The following AOX1 variants were observed in gnomAD, a reference collection of about 807,000 sequenced individuals.
AOX1 encodes the protein aldehyde oxidase 1, also known as aldehyde oxidase.
A neutral mutation model predicts 169.5 loss-of-function variants in AOX1; 153 were observed. The ratio of observed to expected loss-of-function variants is 0.90; its 90% CI spans 0.79 to 1.03. AOX1 has a LOEUF of 1.03. AOX1 is among the 50% of genes least tolerant of loss of function. The probability of loss-of-function intolerance (pLI) is 0.00; values close to 1 mark genes in which losing one functional copy is unlikely to be tolerated. For missense variants in AOX1, 1,656 were observed against 1,663.9 expected (o/e 1.00, Z 0.08); for synonymous variants, 562 against 581.9 (o/e 0.97, Z 0.49).
chr2:200,609,360 G>C lies in AOX1; in HGVS notation c.1099G>C (p.Asp367His). 6.2e-7 allele frequency: 1 copy of C among 1,614,078 alleles called. No homozygotes were observed. The highest frequency in any genetic ancestry group is 8.5e-7 in the Non-Finnish European group (1 of 1,179,972). ...GHIISRHPDS[D>H]LNPILAVGNC... ...CATCATTAGCAGGCATCCAGATTCA[G>C]ATCTGAATCCCATCCTGGCTGTGGG... is the stretch of plus-strand genomic sequence containing the variant. Residue 367 changes from aspartate (D) to histidine (H), a missense_variant, in exon 12 of 35, where the codon GAT (aspartate) becomes CAT (histidine). Coordinates refer to ENST00000374700, the MANE Select transcript of AOX1 (RefSeq NM_001159.4).
intron 25 of AOX1, among the ~76,000 whole-genome samples, chr2:200,649,353 TCTC>T (rs1327770077): frequency 6.6e-6 from 1 of 152,076 alleles, no homozygotes; most frequent in African/African-American, 2.4e-5. Flanking sequence ...GTCGGAATCT[TCTC>T]CTGCAAACAG....
intron 28 of AOX1, among the ~76,000 whole-genome samples, chr2:200,659,575 G>A (rs1418190832): frequency 3.9e-5 from 6 of 152,144 alleles, no homozygotes; most frequent in Non-Finnish European, 7.3e-5. Flanking sequence ...CTTTAAGACA[G>A]GCTCGCGCCT....
intron 19 of AOX1, 124 bp downstream of exon 19, chr2:200,624,107 T>A: frequency 2.7e-6 from 3 of 1,117,048 alleles, no homozygotes; most frequent in Non-Finnish European, 2.6e-6. Context: ...CGGACTTTAT[T>A]AACCTCTAAC....
chr2:200,668,738 C>A lies in AOX1; in HGVS notation c.3733C>A (p.Pro1245Thr). Residue 1245 changes from proline (P) to threonine (T), a missense_variant, in exon 33 of 35, where the codon CCC (proline) becomes ACC (threonine). Coordinates refer to ENST00000374700, the MANE Select transcript of AOX1 (RefSeq NM_001159.4). ...TAAAATCCCTGCCATCTGTGACATG[C>A]CCACGGAGTTGCACATTGCTTTGTT... ...QYKIPAICDM[P>T]TELHIALLPP... 1.2e-6 allele frequency: 2 copies of A among 1,614,134 alleles called. No individual in the cohort carries two copies. The highest frequency in any genetic ancestry group is 1.7e-6 in the Non-Finnish European group (2 of 1,180,024).
At chr2:200,665,997 G>A (rs554534639) in intron 31 of AOX1, among the ~76,000 whole-genome samples, 1 of 152,154 alleles carries the variant, frequency 6.6e-6, no homozygotes, top group East Asian at 1.9e-4. Flanking sequence ...GATTTCTTTT[G>A]TTCAATTAGT....
chr2:200,603,895 G>A (rs1169776904), intron 7 of AOX1, 122 bp from the exon 8 acceptor site: 2 of 668,770 alleles, frequency 3.0e-6, no homozygotes, highest in Non-Finnish European at 5.3e-6. Flanking sequence ...GATTGTGGCT[G>A]GCCAGTGGAC....
At position 200,641,904 on chromosome 2, in the gene AOX1, A is replaced by G. The variant is rs533110717; in HGVS notation, c.2656-706A>G. Among the ~76,000 whole-genome samples the G allele has an allele frequency of 4.6e-5, 7 of 152,184 alleles. No homozygotes were observed. The East Asian group carries it at 1.4e-3, about 30-fold the overall frequency. ...ACACCTGTAATCCCAGCACTTTGGG[A>G]GGCTGAGGTGGGTGGATCACTTGAG... On this transcript the variant is annotated intron_variant, in intron 24 of 34. Coordinates refer to ENST00000374700, the MANE Select transcript of AOX1 (RefSeq NM_001159.4).
intron 7 of AOX1, among the ~76,000 whole-genome samples, 185 bp downstream of exon 7, chr2:200,603,541 C>T (rs1244946909): frequency 2.0e-5 from 3 of 152,150 alleles, no homozygotes; most frequent in Non-Finnish European, 4.4e-5. Flanking sequence ...GTCCTCATTC[C>T]AGATATTATT....
chr2:200,638,124 T>C (rs1226917131), intron 22 of AOX1, 91 bp from the exon 23 acceptor site: 1 of 1,118,228 alleles, frequency 8.9e-7, no homozygotes, highest in Non-Finnish European at 1.3e-6. Flanking sequence ...GCGTGTAGGC[T>C]CCACTCAGGC....
At position 200,609,018 on chromosome 2, in the gene AOX1, G is replaced by A; in HGVS notation, c.942G>A (p.Gln314=). 1 of 1,614,104 alleles carries A rather than the reference G, an allele frequency of 6.2e-7. No homozygotes were observed. Among genetic ancestry groups the A allele is most frequent in the Non-Finnish European group, 8.5e-7 (1 of 1,179,990 alleles). ...LTLGAGLSLA[Q]VKDILADVVQ... ...TTGGTGCTGGTCTCAGCCTAGCCCA[G>A]GTGAAGGACATTTTGGCTGATGTAG... The change falls in exon 11 of 35, where the codon CAG becomes CAA. Residue 314 remains glutamine, a synonymous_variant. Transcript: ENST00000374700.
intron 25 of AOX1, among the ~76,000 whole-genome samples, chr2:200,646,946 T>G (rs1202759852): frequency 6.6e-6 from 1 of 152,192 alleles, no homozygotes; most frequent in Non-Finnish European, 1.5e-5. Flanking sequence ...ACTTTAAGTT[T>G]ATATGAGTCC....
At chr2:200,610,530 T>C (rs1559236825) in intron 12 of AOX1, among the ~76,000 whole-genome samples, 1 of 152,176 alleles carries the variant, frequency 6.6e-6, no homozygotes, top group Non-Finnish European at 1.5e-5. Flanking sequence ...CTGTTCCTCT[T>C]CCTTATATAT....
chr2:200,620,053 A>C (rs1383175945), intron 16 of AOX1, among the ~76,000 whole-genome samples: 2 of 152,204 alleles, frequency 1.3e-5, no homozygotes, highest in Non-Finnish European at 2.9e-5. Context: ...AAATTTGTTT[A>C]CTTACACAAA....
chr2:200,661,753 A>G, intron 30 of AOX1, 122 bp downstream of exon 30: 1 of 723,438 alleles, frequency 1.4e-6, no homozygotes. Flanking sequence ...CATGGTTATA[A>G]AGAACATTTA....
intron 23 of AOX1, 78 bp downstream of exon 23, chr2:200,638,380 T>C (rs2035284776): frequency 7.9e-7 from 1 of 1,267,078 alleles, no homozygotes; most frequent in Non-Finnish European, 1.1e-6. Flanking sequence ...AGTCTTTGGC[T>C]ACTCTCTAGT....
At chr2:200,598,820 A>G (rs1461596572) in intron 4 of AOX1, among the ~76,000 whole-genome samples, 1 of 152,182 alleles carries the variant, frequency 6.6e-6, no homozygotes, top group African/African-American at 2.4e-5. Context: ...TAGAAGGAAA[A>G]GATAGGAGCA....
intron 21 of AOX1, among the ~76,000 whole-genome samples, chr2:200,636,117 CTTTTTTTTTTTT>C (rs765127387): frequency 1.1e-4 from 6 of 53,974 alleles, no homozygotes; most frequent in South Asian, 9.5e-4. Context: ...GTGAGAAGTG[CTTTTTTTTTTTT>C]TTTTTTTTTT....
At chr2:200,611,215 A>G (rs546131922) in intron 12 of AOX1, among the ~76,000 whole-genome samples, 169 bp from the exon 13 acceptor site, 1 of 152,368 alleles carries the variant, frequency 6.6e-6, no homozygotes, top group South Asian at 2.1e-4. Context: ...GACTAGAAGA[A>G]ACATTGCAAG....
At chr2:200,669,969 T>G (rs540547493) in intron 34 of AOX1, among the ~76,000 whole-genome samples, 1 of 152,176 alleles carries the variant, frequency 6.6e-6, no homozygotes, top group South Asian at 2.1e-4. Context: ...TTCTATACTA[T>G]TTGACAAAAG....
Sources: allele counts gnomAD v4.1 joint callset (sites outside exome capture counted in the v4.1 genomes callset), GRCh38; gene constraint gnomAD v4.1.1; transcripts MANE v1.5; gene names NCBI Gene and HGNC (gene_info 2026-07-23, HGNC 2026-07-21).